The following CEP85L variants were observed in gnomAD, a reference collection of about 807,000 sequenced individuals.
CEP85L encodes centrosomal protein of 85 kDa-like.
Under a neutral mutation model 100.3 loss-of-function variants are expected in CEP85L, and 60 were observed. The observed-to-expected ratio is 0.60, with a 90% confidence interval of 0.49 to 0.74. The LOEUF (loss-of-function observed/expected upper bound fraction) is 0.74. Ranked by LOEUF, CEP85L falls within the 30% of genes least tolerant of loss-of-function variation. The pLI is 0.00. For synonymous variants in CEP85L, 319 were observed against 322.7 expected, an observed-to-expected ratio of 0.99 and a Z score of 0.12; for missense variants, 973 against 936.2, an observed-to-expected ratio of 1.04 and a Z score of -0.51.
chr6:118,558,656 CACACAGAGAGAG>C (rs1246407563), intron 3 of CEP85L, among the ~76,000 whole-genome samples: 22 of 133,944 alleles, frequency 1.6e-4, no homozygotes, highest in South Asian at 2.4e-4. Context: ...CACACACACA[CACACAGAGAGAG>C]AGAGAGAGAG....
In CEP85L at chr6:118,467,753, T is replaced by C. The variant is rs569147436; in HGVS notation, c.2254+1319A>G. ...AGTGAGTTCCCTTTGTGTGTGAGCT[T>C]TGCTTCTTGCTCCCAAGAGATATTA... On this transcript the variant is annotated intron_variant, in intron 12 of 12. Transcript: ENST00000368491. Among the ~76,000 whole-genome samples, 75 of 152,246 alleles carry C rather than the reference T, an allele frequency of 4.9e-4. 1 individual carries two copies. Among genetic ancestry groups the C allele is most frequent in the Admixed American group, 4.4e-3 (67 of 15,286 alleles).
rs140951461 is a variant in CEP85L, at chr6:118,511,036, T to C, written c.1257+262A>G. The stretch of plus-strand genomic sequence containing the variant: ...GCAGAAGAAGGATAAAACACACTTA[T>C]ATCTGCTTGTGATATGCATCAACTC... On this transcript the variant is annotated intron_variant, in intron 5 of 12. Coordinates refer to ENST00000368491, the MANE Select transcript of CEP85L (RefSeq NM_001042475.3). 3.5e-3 allele frequency among the ~76,000 whole-genome samples: 526 copies of C among 152,254 alleles called. 5 individuals carry two copies. Among genetic ancestry groups the C allele is most frequent in the African/African-American group, 0.012 (507 of 41,524 alleles).
rs142815047 is a variant in CEP85L at position 118,517,125 on chromosome 6, A to T, written c.1140-5710T>A. Among the ~76,000 whole-genome samples, 772 of 152,282 alleles carry T rather than the reference A, an allele frequency of 5.1e-3. 2 individuals carry two copies. Among genetic ancestry groups the T allele is most frequent in the Middle Eastern group, 0.014 (4 of 294 alleles). ...GTCTATCTGTCTTCGTACAAGTACC[A>T]TTCTGTTTTGGTTACTGCAGCGTTT... On this transcript the variant is annotated intron_variant, in intron 4 of 12. Coordinates refer to ENST00000368491, the MANE Select transcript of CEP85L (RefSeq NM_001042475.3).
At chr6:118,542,589 A>T (rs1175152577) in intron 3 of CEP85L, among the ~76,000 whole-genome samples, 1 of 114,486 alleles carries the variant, frequency 8.7e-6, no homozygotes, top group Non-Finnish European at 2.1e-5. Context: ...GTACAGAAAG[A>T]TTCATTTTCT....
chr6:118,513,001 G>A (rs1202655792), intron 4 of CEP85L, among the ~76,000 whole-genome samples: 1 of 152,146 alleles, frequency 6.6e-6, no homozygotes, highest in Non-Finnish European at 1.5e-5. Flanking sequence ...ATATGCTTAA[G>A]TTAGAAGAAT....
chr6:118,663,398 AAGT>A (rs1423951342), intron 1 of CEP85L, among the ~76,000 whole-genome samples: 5 of 152,224 alleles, frequency 3.3e-5, no homozygotes, highest in Non-Finnish European at 1.5e-5. Context: ...AACAATAGAA[AAGT>A]AGTCAATATT....
chr6:118,496,543 T>C (rs1037109981), intron 5 of CEP85L, among the ~76,000 whole-genome samples: 16 of 151,886 alleles, frequency 1.1e-4, no homozygotes, highest in South Asian at 6.2e-4. Flanking sequence ...TTAGTGGAGA[T>C]TGGGTTTCAC....
At chr6:118,679,226 A>G (rs1296144910) in intron 1 of CEP85L, among the ~76,000 whole-genome samples, 1 of 152,146 alleles carries the variant, frequency 6.6e-6, no homozygotes, top group South Asian at 2.1e-4. Context: ...TTTAATTTAC[A>G]TGTCTGATTA....
At chr6:118,660,555 T>C (rs942296160) in intron 1 of CEP85L, among the ~76,000 whole-genome samples, 2 of 152,224 alleles carry the variant, frequency 1.3e-5, no homozygotes, top group African/African-American at 4.8e-5. Flanking sequence ...CAGATAACTT[T>C]CCCATTGGAA....
Position 118,651,465 on chromosome 6 carries a change from GCC to G in CEP85L, c.-198_-197del. 1 of 1,317,728 alleles carries G rather than the reference GCC, an allele frequency of 7.6e-7. No homozygotes were observed. Among genetic ancestry groups the G allele is most frequent in the South Asian group, 2.1e-5 (1 of 48,484 alleles). 81.6% of individuals were successfully genotyped at this position (1,317,728 alleles called of 1,614,324 possible). ...CAGATTCGCCGCACTGCCGGCGCCT[GCC>G]ATGGCCAAGCCGGCTGGGCTGAGGC... is the stretch of plus-strand genomic sequence containing the variant. On this transcript the variant is annotated 5_prime_UTR_variant, in exon 1 of 13. It removes an upstream start codon present in the reference 5' UTR. Transcript: ENST00000368491.
chr6:118,493,751 G>C (rs1266387960), intron 5 of CEP85L, among the ~76,000 whole-genome samples: 1 of 151,926 alleles, frequency 6.6e-6, no homozygotes, highest in Non-Finnish European at 1.5e-5. Flanking sequence ...AAGAACAGTA[G>C]GTTATATAGA....
intron 3 of CEP85L, among the ~76,000 whole-genome samples, chr6:118,541,732 T>A (rs1244793181): frequency 1.3e-5 from 2 of 152,202 alleles, no homozygotes; most frequent in Non-Finnish European, 2.9e-5. Flanking sequence ...TCCCTCATCC[T>A]TAGAGCAGGA....
chr6:118,638,890 T>C (rs988000615), intron 1 of CEP85L, among the ~76,000 whole-genome samples: 2 of 152,138 alleles, frequency 1.3e-5, no homozygotes, highest in Non-Finnish European at 1.5e-5. Context: ...GCATACAGTA[T>C]CAAGTATTCC....
chr6:118,559,221 T>C, intron 3 of CEP85L: 1 of 762,348 alleles, frequency 1.3e-6, no homozygotes, highest in Non-Finnish European at 2.4e-6. Flanking sequence ...AGATTAAGAC[T>C]AAAACTTATT....
intron 3 of CEP85L, among the ~76,000 whole-genome samples, chr6:118,551,095 TCTC>T: frequency 6.6e-6 from 1 of 152,008 alleles, no homozygotes; most frequent in Non-Finnish European, 1.5e-5. Context: ...CAAGTTAACA[TCTC>T]CTCAAAACTT....
chr6:118,490,530 G>C (rs567924013), intron 6 of CEP85L, among the ~76,000 whole-genome samples: 65 of 152,242 alleles, frequency 4.3e-4, no homozygotes, highest in Middle Eastern at 3.4e-3. Flanking sequence ...AATCACTTGG[G>C]TAGTTTCTTG....
chr6:118,473,873 C>T (rs1405455995), intron 10 of CEP85L, among the ~76,000 whole-genome samples: 3 of 151,684 alleles, frequency 2.0e-5, no homozygotes, highest in Non-Finnish European at 2.9e-5. Flanking sequence ...GGCAGAGATG[C>T]CATTAATAGG....
intron 2 of CEP85L, among the ~76,000 whole-genome samples, chr6:118,578,411 A>T (rs1381266365): frequency 6.6e-6 from 1 of 152,220 alleles, no homozygotes; most frequent in Non-Finnish European, 1.5e-5. Context: ...TGGGGAAAGG[A>T]CACAGAAACA....
chr6:118,528,221 T>TA (rs1777087229), intron 3 of CEP85L, among the ~76,000 whole-genome samples: 1 of 151,568 alleles, frequency 6.6e-6, no homozygotes, highest in South Asian at 2.1e-4. Context: ...TTTTCTTTTT[T>TA]TTTTTTTAAC....
Sources: gnomAD v4.1 joint callset for allele counts (sites outside exome capture counted in the v4.1 genomes callset) on GRCh38, gnomAD v4.1.1 for gene constraint, MANE v1.5 for transcripts, NCBI Gene and HGNC (gene_info 2026-07-23, HGNC 2026-07-21) for gene names.